The following BTAF1 variants were observed in gnomAD, a reference collection of about 807,000 sequenced individuals.
BTAF1 encodes the protein B-TFIID TATA-box binding protein associated factor 1.
BTAF1 carries 38 observed loss-of-function variants against 227.1 expected under a neutral mutation model. The observed-to-expected ratio is 0.17, with a 90% CI of 0.13 to 0.22. The LOEUF is 0.22. Among genes scored for constraint, BTAF1 ranks in the 10% least tolerant of loss-of-function variants. The pLI, the probability that BTAF1 is intolerant of heterozygous loss-of-function variation, is 1.00. For missense variants in BTAF1, 1,598 were observed against 2,204.0 expected (o/e 0.73, Z 5.51); for synonymous variants, 742 against 751.9 (o/e 0.99, Z 0.21).
chr10:92,031,079 A>G lies in BTAF1; in HGVS notation c.*2146A>G, dbSNP rs536137931. ...CATGATAGAATGTTAACTATTTTAA[A>G]CTGGGAATTGGGTTCATAGATATCC... On this transcript the variant is annotated 3_prime_UTR_variant, in exon 38 of 38. Coordinates refer to ENST00000265990, the MANE Select transcript of BTAF1 (RefSeq NM_003972.3). 6.6e-6 allele frequency among the ~76,000 whole-genome samples: 1 copy of G among 152,270 alleles called. No homozygotes were observed. The highest frequency in any genetic ancestry group is 2.1e-4 in the South Asian group (1 of 4,812).
rs761569201 is a variant in BTAF1 at position 92,018,905 on chromosome 10, A to G, written c.4833A>G (p.Gln1611=). Residue 1611 remains glutamine, a synonymous_variant, in exon 34 of 38, where the codon CAA becomes CAG. Coordinates refer to ENST00000265990, the MANE Select transcript of BTAF1 (RefSeq NM_003972.3). ...AVQNSSLHDI[Q]HAPKLSALKQ... Reference sequence around the variant, plus strand: ...AGAATTCTTCTCTACATGATATTCAACATGCCCCTAAGCTCTCAGCTTTGA... The same window carrying G: ...AGAATTCTTCTCTACATGATATTCAGCATGCCCCTAAGCTCTCAGCTTTGA... 39 of 1,604,106 alleles carry G rather than the reference A, an allele frequency of 2.4e-5. 1 individual carries two copies. The highest frequency in any genetic ancestry group is 1.7e-4 in the African/African-American group (13 of 74,676).
chr10:91,938,043 A>G (rs1403595132), intron 2 of BTAF1, among the ~76,000 whole-genome samples: 1 of 152,194 alleles, frequency 6.6e-6, no homozygotes, highest in Non-Finnish European at 1.5e-5. Flanking sequence ...ATTCATTTGT[A>G]TGTCTTCACT....
At chr10:91,949,611 AATTTTAGCTTTTTAG>A (rs141996612) in intron 4 of BTAF1, among the ~76,000 whole-genome samples, 45,638 of 151,624 alleles carry the variant, frequency 0.3, 8,441 homozygotes, top group South Asian at 0.51. Context: ...CTCAAATCTC[AATTTTAGCTTTTTAG>A]ATTTTAGCTT....
In BTAF1 at chr10:92,025,433, CT is replaced by C. The variant is rs372492834; in HGVS notation, c.5075+476del. On this transcript the variant is annotated intron_variant, in intron 35 of 37. Coordinates refer to ENST00000265990, the MANE Select transcript of BTAF1 (RefSeq NM_003972.3). ...TCTACTTTTAAAATCTCAGTGGTTG[CT>C]TTTTTTTTTAAAAAAAAAATGCAGA... 4.8e-3 allele frequency among the ~76,000 whole-genome samples: 713 copies of C among 150,016 alleles called. 1 individual carries two copies. The highest frequency in any genetic ancestry group is 0.013 in the African/African-American group (530 of 40,912).
At chr10:91,993,365 A>G (rs548021908) in intron 21 of BTAF1, among the ~76,000 whole-genome samples, 1 of 152,264 alleles carries the variant, frequency 6.6e-6, no homozygotes, top group Non-Finnish European at 1.5e-5. Flanking sequence ...TCTCTAGCTG[A>G]CAAGTTTCTT....
chr10:92,010,510 A>G (rs1479042835), intron 28 of BTAF1, among the ~76,000 whole-genome samples: 1 of 152,140 alleles, frequency 6.6e-6, no homozygotes, highest in African/African-American at 2.4e-5. Context: ...TATTGTTACT[A>G]TTGGGCTTCA....
chr10:91,997,820 T>C, intron 25 of BTAF1, 69 bp downstream of exon 25: 1 of 1,497,604 alleles, frequency 6.7e-7, no homozygotes, highest in Middle Eastern at 1.7e-4. Flanking sequence ...ATTGTAACCC[T>C]TTTTAGGGCC....
intron 14 of BTAF1, among the ~76,000 whole-genome samples, chr10:91,977,263 G>T (rs895693815): frequency 6.6e-6 from 1 of 152,076 alleles, no homozygotes; most frequent in East Asian, 1.9e-4. Flanking sequence ...CTGAGTCTCC[G>T]GAAGGCAGAT....
At chr10:91,961,882 T>C (rs972983293) in intron 11 of BTAF1, among the ~76,000 whole-genome samples, 2 of 152,100 alleles carry the variant, frequency 1.3e-5, no homozygotes, top group African/African-American at 4.8e-5. Flanking sequence ...TCCTTTTGGT[T>C]GTCGGTGGCA....
In BTAF1 at chr10:91,951,575, A is replaced by C; in HGVS notation, c.564+9A>C. ...TTGTTAACAAACAACCTGTAGGTAA[A>C]ACGTTTGGTTATTTGATTGCAAGTA... On this transcript the variant is annotated intron_variant, in intron 5 of 37. Transcript: ENST00000265990. The C allele has an allele frequency of 6.4e-7, 1 of 1,574,346 alleles. No homozygotes were observed. The highest frequency in any genetic ancestry group is 1.2e-5 in the South Asian group (1 of 82,556).
intron 14 of BTAF1, 72 bp from the exon 15 acceptor site, chr10:91,980,382 C>A: frequency 9.1e-7 from 1 of 1,095,350 alleles, no homozygotes; most frequent in Non-Finnish European, 1.4e-6. Flanking sequence ...TGTTATTTGA[C>A]ATATAATTCT....
At chr10:92,003,971 AT>A (rs1221183649) in intron 25 of BTAF1, among the ~76,000 whole-genome samples, 1 of 151,802 alleles carries the variant, frequency 6.6e-6, no homozygotes, top group African/African-American at 2.4e-5. Flanking sequence ...ACCAGTTTTA[AT>A]TTGTGTTTCC....
chr10:91,994,578 A>G lies in BTAF1; in HGVS notation c.3243A>G (p.Glu1081=), dbSNP rs541856194. 2.5e-6 allele frequency: 4 copies of G among 1,614,062 alleles called. No individual in the cohort carries two copies. Among genetic ancestry groups the G allele is most frequent in the East Asian group, 2.2e-5 (1 of 44,866 alleles). Residue 1081 remains glutamate, a synonymous_variant, in exon 23 of 38, where the codon GAA becomes GAG. Transcript: ENST00000265990. Reference sequence around the variant, plus strand: ...ATAAGGGAGATAGCCCTGCTCAAGAATTGGTGAATTCTCTGCAGGTTTTTG... The same window carrying G: ...ATAAGGGAGATAGCCCTGCTCAAGAGTTGGTGAATTCTCTGCAGGTTTTTG... The part of the protein sequence containing the change: ...LLDKGDSPAQ[E]LVNSLQVFET...
intron 2 of BTAF1, 137 bp downstream of exon 2, chr10:91,935,917 CTT>C (rs918850212): frequency 7.1e-6 from 6 of 848,712 alleles, no homozygotes; most frequent in African/African-American, 1.8e-5. Context: ...GGTCACAAGA[CTT>C]AAACTTTTTT....
intron 5 of BTAF1, among the ~76,000 whole-genome samples, chr10:91,953,105 G>A (rs1845877027): frequency 6.6e-6 from 1 of 152,166 alleles, no homozygotes; most frequent in Non-Finnish European, 1.5e-5. Context: ...GACTGCAGCA[G>A]AACATCCACA....
chr10:91,992,559 G>A (rs1564701586), intron 21 of BTAF1, among the ~76,000 whole-genome samples: 1 of 152,092 alleles, frequency 6.6e-6, no homozygotes, highest in African/African-American at 2.4e-5. Flanking sequence ...CAGTCCTATA[G>A]CAGTGACTGT....
Position 91,980,492 on chromosome 10 carries a change from G to A in BTAF1, c.1689G>A (p.Met563Ile), listed in dbSNP as rs1184466970. 6.2e-6 allele frequency: 10 copies of A among 1,612,968 alleles called. No individual in the cohort carries two copies. Among genetic ancestry groups the A allele is most frequent in the Non-Finnish European group, 6.8e-6 (8 of 1,179,400 alleles). ...SSWLIPILPD[M>I]LRHIFQFCVL... ...GGCTTATACCTATACTGCCTGATATGCTCCGACACATTTTTCAGTTCTGTG... is the reference window on the plus strand; with the variant it reads ...GGCTTATACCTATACTGCCTGATATACTCCGACACATTTTTCAGTTCTGTG... The change falls in exon 15 of 38, where the codon ATG (methionine) becomes ATA (isoleucine). Residue 563 changes from methionine (M) to isoleucine (I), a missense_variant. Transcript: ENST00000265990.
chr10:91,987,503 A>G (rs2792026), intron 19 of BTAF1, among the ~76,000 whole-genome samples: 145,538 of 151,896 alleles, frequency 0.96, 70,065 homozygotes, highest in East Asian at 1. Flanking sequence ...AGAAAGTCTC[A>G]TGTTTAATCT....
At chr10:91,934,747 C>T (rs1053363161) in intron 1 of BTAF1, among the ~76,000 whole-genome samples, 1 of 152,046 alleles carries the variant, frequency 6.6e-6, no homozygotes, top group Admixed American at 6.5e-5. Context: ...TATTCATTTC[C>T]CTAAATATAC....
Sources: gnomAD v4.1 joint callset for allele counts (sites outside exome capture counted in the v4.1 genomes callset) on GRCh38, gnomAD v4.1.1 for gene constraint, MANE v1.5 for transcripts, NCBI Gene and HGNC (gene_info 2026-07-23, HGNC 2026-07-21) for gene names.